The following EIF5B variants were observed in gnomAD, a reference collection of about 807,000 sequenced individuals.
EIF5B encodes eIF-5B.
Under a neutral mutation model 147.5 loss-of-function variants are expected in EIF5B, and 47 were observed. That is an observed-to-expected ratio of 0.32 (90% confidence interval 0.25 to 0.41). EIF5B has a LOEUF of 0.41. EIF5B is among the 10% of genes least tolerant of loss of function. The pLI is 1.00. For missense variants in EIF5B, 1,064 were observed against 1,413.2 expected, an observed-to-expected ratio of 0.75 and a Z score of 3.96; for synonymous variants, 455 against 456.2, an observed-to-expected ratio of 1.00 and a Z score of 0.03.
At chr2:99,338,145 A>G (rs11893359) in intron 1 of EIF5B, among the ~76,000 whole-genome samples, 39,443 of 148,006 alleles carry the variant, frequency 0.27, 5,272 homozygotes, top group Admixed American at 0.35. Context: ...TCCAGCCCTC[A>G]TGCTTTTCGC....
intron 1 of EIF5B, among the ~76,000 whole-genome samples, chr2:99,342,944 TTTTCTTTCTTTCTTTC>T (rs750690880): frequency 6.6e-6 from 1 of 151,060 alleles, no homozygotes; most frequent in Non-Finnish European, 1.5e-5. Flanking sequence ...TGGGTTGTCT[TTTTCTTTCTTTCTTTC>T]TTTCTTTCTT....
chr2:99,364,568 G>A lies in EIF5B; in HGVS notation c.1288+147G>A, dbSNP rs903351954. ...AAGTTCAGTAAAACGTAAGGAATAG[G>A]TGATGTCATTTCATTGTTTAGGAAG... On this transcript the variant is annotated intron_variant, in intron 6 of 23. Coordinates refer to ENST00000289371, the MANE Select transcript of EIF5B (RefSeq NM_015904.4). 1.7e-5 allele frequency: 12 copies of A among 703,502 alleles called. No individual in the cohort carries two copies. The African/African-American group carries it at 1.9e-4, about 11-fold the overall frequency. 43.6% of individuals were successfully genotyped at this position (703,502 alleles called of 1,614,324 possible).
Position 99,360,219 on chromosome 2 carries a change from T to G in EIF5B, c.36-17T>G. On this transcript the variant is annotated splice_polypyrimidine_tract_variant and intron_variant, in intron 1 of 23. Coordinates refer to ENST00000289371, the MANE Select transcript of EIF5B (RefSeq NM_015904.4). The stretch of plus-strand genomic sequence containing the variant: ...TGCTTTTAAGTAGCATTTAGGATGT[T>G]TTTGTTTTCATTTAAGCACCAAGGA... 1 of 1,568,794 alleles carries G rather than the reference T, an allele frequency of 6.4e-7. No homozygotes were observed. Among genetic ancestry groups the G allele is most frequent in the East Asian group, 2.3e-5 (1 of 44,380 alleles).
At chr2:99,382,960 G>T in intron 14 of EIF5B, 39 bp downstream of exon 14, 1 of 1,526,546 alleles carries the variant, frequency 6.6e-7, no homozygotes, top group Non-Finnish European at 8.8e-7. Flanking sequence ...AGGAAAACAT[G>T]TTTCTTAATT....
intron 5 of EIF5B, 126 bp from the exon 6 acceptor site, chr2:99,364,145 G>A: frequency 7.7e-7 from 1 of 1,295,338 alleles, no homozygotes; most frequent in Non-Finnish European, 1.1e-6. Context: ...ACTTTGATTT[G>A]GAATCTCCTA....
In EIF5B at chr2:99,399,191, GT is replaced by G. The variant is rs1559263407; in HGVS notation, c.3556-110del. The stretch of plus-strand genomic sequence containing the variant: ...CTACTCCCTTAGGCAGGCAAGCCCT[GT>G]TTTTTATTTCTGCTTAAGCTTTTTA... On this transcript the variant is annotated intron_variant, in intron 23 of 23. Coordinates refer to ENST00000289371, the MANE Select transcript of EIF5B (RefSeq NM_015904.4). 7.7e-6 allele frequency: 8 copies of G among 1,038,398 alleles called. No individual in the cohort carries two copies. The South Asian group carries it at 1.1e-4, about 14-fold the overall frequency. 64.3% of individuals were successfully genotyped at this position (1,038,398 alleles called of 1,614,324 possible). A position where few individuals can be genotyped will look rare whatever the true frequency, so the allele number is the denominator to read the frequency against.
At chr2:99,339,005 C>CAAATATATATATAT (rs1559240268) in intron 1 of EIF5B, among the ~76,000 whole-genome samples, 1 of 57,578 alleles carries the variant, frequency 1.7e-5, no homozygotes, top group Non-Finnish European at 4.7e-5. Flanking sequence ...TATATATATA[C>CAAATATATATATAT]ATTTTTTTTT....
rs142839053 is a variant in EIF5B at position 99,390,708 on chromosome 2, A to G, written c.2748+3A>G. The G allele has an allele frequency of 6.3e-7, 1 of 1,597,598 alleles. No homozygotes were observed. The highest frequency in any genetic ancestry group is 8.6e-7 in the Non-Finnish European group (1 of 1,166,428). On this transcript the variant is annotated splice_donor_region_variant and intron_variant, in intron 17 of 23. Coordinates refer to ENST00000289371, the MANE Select transcript of EIF5B (RefSeq NM_015904.4). ...CTATGAAGGAATTACGAGTGAAGGT[A>G]TGCTGAGGTGGGAAGCATTGACACG...
chr2:99,348,391 A>G (rs898452163), intron 1 of EIF5B, among the ~76,000 whole-genome samples: 2 of 152,200 alleles, frequency 1.3e-5, no homozygotes, highest in African/African-American at 4.8e-5. Flanking sequence ...TGTGGTTATA[A>G]GTGGTGGGGG....
At chr2:99,390,081 G>A (rs759888422) in intron 15 of EIF5B, 138 bp from the exon 16 acceptor site, 1 of 1,116,254 alleles carries the variant, frequency 9.0e-7, no homozygotes, top group Non-Finnish European at 1.3e-6. Context: ...ATGCTTATAG[G>A]ATATACATGA....
chr2:99,366,088 T>TACACAC (rs3838486), intron 6 of EIF5B, among the ~76,000 whole-genome samples: 2 of 151,846 alleles, frequency 1.3e-5, no homozygotes, highest in South Asian at 4.2e-4. Context: ...ACTAAGCATA[T>TACACAC]ACACACACAC....
At chr2:99,369,301 A>G in intron 7 of EIF5B, 91 bp from the exon 8 acceptor site, 1 of 952,192 alleles carries the variant, frequency 1.1e-6, no homozygotes, top group Admixed American at 2.7e-5. Flanking sequence ...ATAGGTTTAC[A>G]CTACTGTTTT....
In EIF5B at chr2:99,384,196, C is replaced by A. The variant is rs865991871; in HGVS notation, c.2271+1275C>A. On this transcript the variant is annotated intron_variant, in intron 14 of 23. Transcript: ENST00000289371. The stretch of plus-strand genomic sequence containing the variant: ...TGGGTGACAGAGCGAGACTCCGTCT[C>A]AAAAAAAAAAAGAATTATGCCAAAT... Among the ~76,000 whole-genome samples the A allele has an allele frequency of 2.3e-3, 270 of 117,416 alleles. 2 individuals are homozygous for A. The highest frequency in any genetic ancestry group is 2.8e-3 in the African/African-American group (79 of 28,108). The allele number at this position is 117,416 out of a possible 152,430, so 77.0% of individuals were successfully genotyped here.
chr2:99,341,839 T>C (rs2094260299), intron 1 of EIF5B, among the ~76,000 whole-genome samples: 2 of 152,358 alleles, frequency 1.3e-5, no homozygotes, highest in Admixed American at 6.5e-5. Context: ...TTCACTATTA[T>C]ATGACTTAAT....
At chr2:99,338,296 G>A (rs2094249077) in intron 1 of EIF5B, 8 of 1,287,390 alleles carry the variant, frequency 6.2e-6, no homozygotes, top group South Asian at 1.2e-5. Flanking sequence ...GGGAGGATAA[G>A]GGTATATGCG....
At chr2:99,379,522 A>T in intron 12 of EIF5B, 94 bp downstream of exon 12, 1 of 897,196 alleles carries the variant, frequency 1.1e-6, no homozygotes, top group South Asian at 1.7e-5. Context: ...CTAGGATAAC[A>T]GCTCCATATA....
intron 6 of EIF5B, among the ~76,000 whole-genome samples, chr2:99,365,181 A>G (rs958644819): frequency 6.6e-6 from 1 of 152,206 alleles, no homozygotes; most frequent in African/African-American, 2.4e-5. Flanking sequence ...TAATTACAGT[A>G]ATAGCTACCA....
rs774121095 is a variant in EIF5B at position 99,361,447 on chromosome 2, T to C, written c.546T>C (p.Ser182=). The C allele has an allele frequency of 6.2e-7, 1 of 1,614,054 alleles. No individual in the cohort carries two copies. Among genetic ancestry groups the C allele is most frequent in the South Asian group, 1.1e-5 (1 of 91,072 alleles). ...TTAAAGAGCGTTCAAGAATAAATTC[T>C]TCTGGTGAAAGTGGTGATGAATCAG... ...KKIKERSRIN[S]SGESGDESDE... Residue 182 remains serine (S), a synonymous_variant, in exon 4 of 24, where the codon TCT becomes TCC. Transcript: ENST00000289371.
intron 3 of EIF5B, 94 bp from the exon 4 acceptor site, chr2:99,361,054 T>C (rs1199157758): frequency 1.7e-6 from 2 of 1,154,130 alleles, no homozygotes; most frequent in African/African-American, 1.6e-5. Flanking sequence ...TGAAATCATT[T>C]TGAGATTTTT....
Sources: allele counts gnomAD v4.1 joint callset (sites outside exome capture counted in the v4.1 genomes callset), GRCh38; gene constraint gnomAD v4.1.1; transcripts MANE v1.5; gene names NCBI Gene and HGNC (gene_info 2026-07-23, HGNC 2026-07-21).